Variants in PTPRD observed in about 807,000 individuals in gnomAD.
The protein encoded by PTPRD is receptor-type tyrosine-protein phosphatase delta.
A neutral mutation model predicts 214.5 loss-of-function variants in PTPRD; 34 were observed. The observed-to-expected ratio is 0.16, with a 90% CI of 0.12 to 0.21. The LOEUF (loss-of-function observed/expected upper bound fraction) is 0.21. PTPRD is among the 10% of genes least tolerant of loss of function. The pLI is 1.00. For synonymous variants in PTPRD, 1,128 were observed against 845.7 expected (o/e 1.33, Z -5.79); for missense variants, 2,545 against 2,398.7 (o/e 1.06, Z -1.27).
At chr9:8,358,492 T>C (rs1246387886) in intron 39 of PTPRD, among the ~76,000 whole-genome samples, 1 of 152,248 alleles carries the variant, frequency 6.6e-6, no homozygotes, top group Non-Finnish European at 1.5e-5. Flanking sequence ...CTCTTCCACC[T>C]GCAGCTTGTA....
chr9:10,323,838 C>T (rs1230817803), intron 3 of PTPRD, among the ~76,000 whole-genome samples: 2 of 151,708 alleles, frequency 1.3e-5, no homozygotes, highest in East Asian at 2.0e-4. Context: ...GAAGAGATAA[C>T]CTCCAAGTTT....
intron 2 of PTPRD, among the ~76,000 whole-genome samples, chr9:10,447,588 T>A (rs2098808704): frequency 6.6e-6 from 1 of 151,988 alleles, no homozygotes; most frequent in Admixed American, 6.6e-5. Flanking sequence ...TGAAAAACAA[T>A]AATATAACTA....
At chr9:9,941,128 G>A (rs1566557457) in intron 4 of PTPRD, among the ~76,000 whole-genome samples, 1 of 152,152 alleles carries the variant, frequency 6.6e-6, no homozygotes, top group South Asian at 2.1e-4. Context: ...TTGTGAATTT[G>A]TGTTGGGCTA....
chr9:8,603,346 T>C (rs1003223697), intron 14 of PTPRD, among the ~76,000 whole-genome samples: 6 of 152,206 alleles, frequency 3.9e-5, no homozygotes, highest in African/African-American at 7.2e-5. Flanking sequence ...TTAAATATTA[T>C]ATTGTACTTA....
intron 9 of PTPRD, among the ~76,000 whole-genome samples, chr9:9,294,890 T>C (rs1952478935): frequency 6.6e-6 from 1 of 151,758 alleles, no homozygotes; most frequent in Non-Finnish European, 1.5e-5. Flanking sequence ...AAGGTGGTCA[T>C]GAATCTGAAT....
rs1442602751 is a variant in PTPRD at position 8,507,243 on chromosome 9, T to A, written c.1677+58A>T. 5.1e-6 allele frequency: 8 copies of A among 1,567,438 alleles called. No individual in the cohort carries two copies. The Admixed American group carries it at 1.5e-4, about 30-fold the overall frequency. On this transcript the variant is annotated intron_variant, in intron 22 of 45. Transcript: ENST00000381196. The stretch of plus-strand genomic sequence containing the variant: ...AAGAATGTGGATAAATACACAAAAA[T>A]AAAAAAGTGGCCCCACGTAATGAAT...
intron 8 of PTPRD, among the ~76,000 whole-genome samples, chr9:9,458,190 G>A (rs1233773610): frequency 3.3e-5 from 5 of 151,948 alleles, no homozygotes; most frequent in African/African-American, 7.2e-5. Flanking sequence ...ATCTAGGTAC[G>A]ATTAGTGGTA....
chr9:9,671,107 C>A (rs1430676718), intron 7 of PTPRD, among the ~76,000 whole-genome samples: 1 of 152,140 alleles, frequency 6.6e-6, no homozygotes, highest in African/African-American at 2.4e-5. Context: ...GGAAACTGTA[C>A]CCTACAAAGC....
intron 3 of PTPRD, among the ~76,000 whole-genome samples, chr9:10,263,970 A>G (rs1477256707): frequency 6.6e-6 from 1 of 152,164 alleles, no homozygotes; most frequent in East Asian, 1.9e-4. Context: ...GGTACAGCTC[A>G]GGGCATGGCT....
At chr9:8,520,876 T>C (rs2097876873) in intron 20 of PTPRD, among the ~76,000 whole-genome samples, 1 of 152,138 alleles carries the variant, frequency 6.6e-6, no homozygotes, top group Non-Finnish European at 1.5e-5. Context: ...TTTTCCTTTG[T>C]ATTTAGAAAT....
chr9:9,320,061 A>AT (rs1409916752), intron 9 of PTPRD, among the ~76,000 whole-genome samples: 1 of 152,182 alleles, frequency 6.6e-6, no homozygotes, highest in Non-Finnish European at 1.5e-5. Flanking sequence ...AAAGTACCTC[A>AT]TTTTTGTTTT....
At position 8,542,423 on chromosome 9, in the gene PTPRD, A is replaced by C. The variant is rs573987289; in HGVS notation, c.353-13644T>G. 1.2e-3 allele frequency among the ~76,000 whole-genome samples: 179 copies of C among 152,330 alleles called. 1 individual carries two copies. Among genetic ancestry groups the C allele is most frequent in the Non-Finnish European group, 5.7e-4 (39 of 68,038 alleles). On this transcript the variant is annotated intron_variant, in intron 14 of 45. Coordinates refer to ENST00000381196, the MANE Select transcript of PTPRD (RefSeq NM_002839.4). The stretch of plus-strand genomic sequence containing the variant: ...ATGTAAGGAGATAGGGAGAAGTGGA[A>C]AAAGTTCAGAATAATTTGAATGTCA...
At chr9:8,517,088 G>A (rs1037557848) in intron 21 of PTPRD, among the ~76,000 whole-genome samples, 1 of 152,096 alleles carries the variant, frequency 6.6e-6, no homozygotes, top group African/African-American at 2.4e-5. Flanking sequence ...TTACAGGCGT[G>A]AGCCACTGTG....
intron 39 of PTPRD, among the ~76,000 whole-genome samples, chr9:8,345,911 C>A (rs1051418596): frequency 1.3e-5 from 2 of 151,992 alleles, no homozygotes; most frequent in African/African-American, 4.8e-5. Flanking sequence ...CTGCCAGTCC[C>A]CAAAATGTAG....
At chr9:10,288,161 T>TG (rs1470394942) in intron 3 of PTPRD, among the ~76,000 whole-genome samples, 1 of 76,106 alleles carries the variant, frequency 1.3e-5, no homozygotes, top group African/African-American at 5.4e-5. Context: ...AAATTGGGGG[T>TG]GGGGGGTGGG....
chr9:10,414,157 A>G (rs2098464728), intron 2 of PTPRD, among the ~76,000 whole-genome samples: 1 of 152,028 alleles, frequency 6.6e-6, no homozygotes, highest in Non-Finnish European at 1.5e-5. Flanking sequence ...CTATCAGCAG[A>G]GTAAAGAGAC....
At chr9:8,561,791 T>C (rs941392294) in intron 14 of PTPRD, among the ~76,000 whole-genome samples, 3 of 151,452 alleles carry the variant, frequency 2.0e-5, no homozygotes, top group Non-Finnish European at 4.4e-5. Context: ...GTTGGCACCA[T>C]TGTAAAGGGT....
At chr9:9,489,213 C>T (rs1424138997) in intron 8 of PTPRD, among the ~76,000 whole-genome samples, 1 of 152,160 alleles carries the variant, frequency 6.6e-6, no homozygotes, top group South Asian at 2.1e-4. Flanking sequence ...AAGCTTACAC[C>T]TGCAACTGAT....
At chr9:10,584,578 A>G (rs1460854745) in intron 2 of PTPRD, among the ~76,000 whole-genome samples, 2 of 152,006 alleles carry the variant, frequency 1.3e-5, no homozygotes, top group Non-Finnish European at 2.9e-5. Flanking sequence ...ACTTCTTTAC[A>G]TTTTCTCTTC....
Sources: allele counts gnomAD v4.1 joint callset (sites outside exome capture counted in the v4.1 genomes callset), GRCh38; gene constraint gnomAD v4.1.1; transcripts MANE v1.5; gene names NCBI Gene and HGNC (gene_info 2026-07-23, HGNC 2026-07-21).